ZNF563: variants seen among roughly 807,000 people sequenced by gnomAD.
ZNF563 encodes the protein zinc finger protein 563.
Under a neutral mutation model 48.5 loss-of-function variants are expected in ZNF563, and 39 were observed. The ratio of observed to expected loss-of-function variants is 0.80; its 90% CI spans 0.62 to 1.05. ZNF563 has a LOEUF of 1.05. Among genes scored for constraint, ZNF563 ranks in the 50% least tolerant of loss-of-function variants. The pLI is 0.00. For synonymous variants in ZNF563, 168 were observed against 187.9 expected (o/e 0.89, Z 0.87); for missense variants, 538 against 597.0 (o/e 0.90, Z 1.03).
chr19:12,319,222 T>C lies in ZNF563; in HGVS notation c.803A>G (p.Tyr268Cys), dbSNP rs1968531994. The C allele has an allele frequency of 2.5e-6, 4 of 1,613,846 alleles. No homozygotes were observed. Among genetic ancestry groups the C allele is most frequent in the Middle Eastern group, 1.6e-4 (1 of 6,062 alleles). ...AGTGTGAGTTCTTTCATGTCTTATA[T>C]AGGAACTGGAATCAGGCAAGGCTTT... ...CSKALPDSSS[Y>C]IRHERTHTGE... Residue 268 changes from tyrosine to cysteine, a missense_variant, in exon 4 of 4, where the codon TAT becomes TGT. Physicochemically the swap from Tyr to Cys is radical, Grantham distance 194. Coordinates refer to ENST00000293725, the MANE Select transcript of ZNF563 (RefSeq NM_145276.3).
In ZNF563 at chr19:12,319,478, T is replaced by C. The variant is rs1379804747; in HGVS notation, c.547A>G (p.Asn183Asp). Residue 183 changes from asparagine to aspartate, a missense_variant, in exon 4 of 4, where the codon AAC (asparagine) becomes GAC (aspartate). Asn to Asp is a conservative substitution (Grantham distance 23, BLOSUM62 1). Coordinates refer to ENST00000293725, the MANE Select transcript of ZNF563 (RefSeq NM_145276.3). Reference protein sequence around the residue: ...ECGKTFSSRRNLRRHMVVQGG... With the variant: ...ECGKTFSSRRDLRRHMVVQGG... ...TGCACTACCATGTGTCTTCGAAGGT[T>C]TCTACGAGAACTGAAGGTTTTTCCA... 6.2e-7 allele frequency: 1 copy of C among 1,614,110 alleles called. No homozygotes were observed. Among genetic ancestry groups the C allele is most frequent in the Non-Finnish European group, 8.5e-7 (1 of 1,180,048 alleles).
chr19:12,342,484 A>C, the ZNF563 span, among the ~76,000 whole-genome samples: 1 of 152,058 alleles, frequency 6.6e-6, no homozygotes, highest in South Asian at 2.1e-4. Flanking sequence ...AAAACAAAAA[A>C]AAAAGAGGTT....
the ZNF563 span, chr19:12,347,223 G>C: frequency 1.3e-5 from 2 of 152,298 alleles, no homozygotes; most frequent in African/African-American, 4.8e-5. Context: ...CCAAATACTT[G>C]CCAAAATCTA....
chr19:12,335,555 CA>C (rs1050934346), upstream of ZNF563, among the ~76,000 whole-genome samples: 1 of 152,158 alleles, frequency 6.6e-6, no homozygotes, highest in Non-Finnish European at 1.5e-5. Flanking sequence ...ATAGCAAAAA[CA>C]AAAATTCCTA....
Position 12,322,676 on chromosome 19 carries a change from G to T in ZNF563, c.39C>A (p.Phe13Leu). 1 of 1,609,124 alleles carries T rather than the reference G, an allele frequency of 6.2e-7. No individual in the cohort carries two copies. The highest frequency in any genetic ancestry group is 8.5e-7 in the Non-Finnish European group (1 of 1,177,110). The change falls in exon 2 of 4, where the codon TTC (phenylalanine) becomes TTA (leucine). Residue 13 changes from phenylalanine to leucine, a missense_variant. Phe to Leu is a conservative substitution (Grantham distance 22). Coordinates refer to ENST00000293725, the MANE Select transcript of ZNF563 (RefSeq NM_145276.3). ...AVAFEDVAVN[F>L]TQEEWALLGP... ...CCAGCAAAGCCCATTCCTCCTGGGTGAAGTTCACAGCCACATCCTCAAAGG... is the reference window on the plus strand; with the variant it reads ...CCAGCAAAGCCCATTCCTCCTGGGTTAAGTTCACAGCCACATCCTCAAAGG...
At chr19:12,327,488 A>G (rs568978416) in intron 1 of ZNF563, among the ~76,000 whole-genome samples, 1 of 151,640 alleles carries the variant, frequency 6.6e-6, no homozygotes, top group African/African-American at 2.4e-5. Context: ...AAAGAAAAAG[A>G]AAAAAAGAGG....
chr19:12,330,764 C>A (rs1568478828), intron 1 of ZNF563, among the ~76,000 whole-genome samples: 1 of 152,170 alleles, frequency 6.6e-6, no homozygotes, highest in Non-Finnish European at 1.5e-5. Flanking sequence ...ACAGACCTGC[C>A]TGTTTTCATG....
chr19:12,335,531 G>C (rs549030903), upstream of ZNF563, among the ~76,000 whole-genome samples: 1 of 152,142 alleles, frequency 6.6e-6, no homozygotes, highest in Admixed American at 6.5e-5. Flanking sequence ...AATAGCTAAT[G>C]AGCTTAAAAA....
chr19:12,343,864 A>G, the ZNF563 span, among the ~76,000 whole-genome samples: 3 of 150,024 alleles, frequency 2.0e-5, no homozygotes, highest in African/African-American at 7.4e-5. Flanking sequence ...CCGAGTATCT[A>G]GGACTACAGG....
upstream of ZNF563, among the ~76,000 whole-genome samples, chr19:12,336,417 C>A (rs1468609251): frequency 3.3e-5 from 5 of 151,736 alleles, no homozygotes; most frequent in African/African-American, 1.2e-4. Context: ...ATGGTGAAAC[C>A]CCGTCTCTAC....
chr19:12,321,186 C>T, intron 3 of ZNF563, 86 bp downstream of exon 3: 3 of 931,840 alleles, frequency 3.2e-6, no homozygotes, highest in Non-Finnish European at 3.2e-6. Context: ...TTAAGCTGGA[C>T]TTGTTCATTT....
chr19:12,330,271 C>A (rs1968890468), intron 1 of ZNF563, among the ~76,000 whole-genome samples: 1 of 151,996 alleles, frequency 6.6e-6, no homozygotes, highest in Admixed American at 6.6e-5. Context: ...GCCCTAGTAC[C>A]AAAAATAGAC....
At chr19:12,326,653 A>C (rs1185500106) in intron 1 of ZNF563, among the ~76,000 whole-genome samples, 1 of 150,634 alleles carries the variant, frequency 6.6e-6, no homozygotes, top group Non-Finnish European at 1.5e-5. Context: ...AAAAAAAAAA[A>C]TCAGCTAAAA....
At chr19:12,325,478 A>G (rs1485042292) in intron 1 of ZNF563, among the ~76,000 whole-genome samples, 2 of 151,926 alleles carry the variant, frequency 1.3e-5, no homozygotes, top group Admixed American at 6.6e-5. Flanking sequence ...TCAAAAAAAA[A>G]AAAAAAAAAG....
At chr19:12,333,757 G>A (rs989552734), upstream of ZNF563, 16 of 501,018 alleles carry the variant, frequency 3.2e-5, no homozygotes, top group East Asian at 2.6e-4. Context: ...GATTGGATAG[G>A]GCTCCAGGTC....
chr19:12,345,148 T>C, the ZNF563 span, among the ~76,000 whole-genome samples: 3 of 152,166 alleles, frequency 2.0e-5, no homozygotes, highest in Non-Finnish European at 2.9e-5. Context: ...ATTGCTAAGA[T>C]TAAAATACTA....
chr19:12,321,138 TAA>T, intron 3 of ZNF563, 132 bp downstream of exon 3: 5 of 547,384 alleles, frequency 9.1e-6, no homozygotes, highest in East Asian at 3.7e-5. Flanking sequence ...AGGCCCTGAC[TAA>T]AAAAAAAAGT....
At position 12,319,124 on chromosome 19, in the gene ZNF563, T is replaced by C. The variant is rs143652946; in HGVS notation, c.901A>G (p.Thr301Ala). 1.9e-6 allele frequency: 3 copies of C among 1,614,060 alleles called. No homozygotes were observed. Among genetic ancestry groups the C allele is most frequent in the Non-Finnish European group, 2.5e-6 (3 of 1,180,044 alleles). ...SVSSSLRRHE[T>A]THSAEKPYEC... ...TAGGGTTTCTCTGCACTGTGAGTGG[T>C]TTCATGTCTTCGAAGGGAACTGGAA... The change falls in exon 4 of 4, where the codon ACC becomes GCC. Residue 301 changes from threonine to alanine, a missense_variant. Transcript: ENST00000293725.
In ZNF563 at chr19:12,319,410, A is replaced by G. The variant is rs777149397; in HGVS notation, c.615T>C (p.Ala205=). Residue 205 remains alanine (A), a synonymous_variant, in exon 4 of 4, where the codon GCT becomes GCC. Transcript: ENST00000293725. The part of the protein sequence containing the change: ...RPYKCKLCGK[A]FFWPSLLRMH... Reference sequence around the variant, plus strand: ...TACGTAATAAACTGGGCCAAAAAAAAGCTTTCCCACACAACTTACATTTAT... The same window carrying G: ...TACGTAATAAACTGGGCCAAAAAAAGGCTTTCCCACACAACTTACATTTAT... 3.1e-6 allele frequency: 5 copies of G among 1,614,174 alleles called. No homozygotes were observed. Among genetic ancestry groups the G allele is most frequent in the South Asian group, 1.1e-5 (1 of 91,076 alleles).
Sources: gnomAD v4.1 joint callset for allele counts (sites outside exome capture counted in the v4.1 genomes callset) on GRCh38, gnomAD v4.1.1 for gene constraint, MANE v1.5 for transcripts, NCBI Gene and HGNC (gene_info 2026-07-23, HGNC 2026-07-21) for gene names.